The following SCARA3 variants were observed in gnomAD, a reference collection of about 807,000 sequenced individuals.
SCARA3 encodes the protein cellular stress response gene protein.
SCARA3 carries 39 observed loss-of-function variants against 47.0 expected under a neutral mutation model. The observed-to-expected ratio is 0.83, with a 90% CI of 0.64 to 1.08. The LOEUF is 1.08. Ranked by LOEUF, SCARA3 falls within the 50% of genes least tolerant of loss-of-function variation. SCARA3 has a pLI of 0.00. For missense variants in SCARA3, 724 were observed against 792.3 expected (o/e 0.91, Z 1.04); for synonymous variants, 356 against 334.1 (o/e 1.07, Z -0.71).
At chr8:27,636,725 G>A (rs541021587) in intron 1 of SCARA3, among the ~76,000 whole-genome samples, 1 of 152,288 alleles carries the variant, frequency 6.6e-6, no homozygotes, top group Admixed American at 6.5e-5. Context: ...TCCAGCCTCC[G>A]GAAACCCCTC....
At chr8:27,691,915 C>T in the SCARA3 span, among the ~76,000 whole-genome samples, 1 of 152,156 alleles carries the variant, frequency 6.6e-6, no homozygotes, top group Admixed American at 6.5e-5. Context: ...CATGAGTCTA[C>T]TTCCCTATGT....
the SCARA3 span, among the ~76,000 whole-genome samples, chr8:27,727,271 G>A: frequency 1.3e-4 from 20 of 152,106 alleles, no homozygotes; most frequent in African/African-American, 3.4e-4. Flanking sequence ...GGCACCTTCC[G>A]CCCACATTTT....
At chr8:27,717,452 C>T in the SCARA3 span, among the ~76,000 whole-genome samples, 4,438 of 152,192 alleles carry the variant, frequency 0.029, 233 homozygotes, top group African/African-American at 0.1. Flanking sequence ...TACGTCTTTC[C>T]ATGTAATTTT....
At chr8:27,660,618 T>TGATATA (rs1801880966) in intron 5 of SCARA3, among the ~76,000 whole-genome samples, 1 of 130,882 alleles carries the variant, frequency 7.6e-6, no homozygotes, top group African/African-American at 2.8e-5. Context: ...TAGAGATAGA[T>TGATATA]GATAGATAGA....
rs146516200 is a variant in SCARA3 at position 27,672,864 on chromosome 8, C to A, written c.*1513C>A. The A allele has an allele frequency of 3.7e-4, 365 of 985,670 alleles. 1 individual carries two copies. The African/African-American group carries it at 5.7e-3, about 15-fold the overall frequency. The allele number at this position is 985,670 out of a possible 1,614,324, so 61.1% of individuals were successfully genotyped here. On this transcript the variant is annotated 3_prime_UTR_variant, in exon 6 of 6. Coordinates refer to ENST00000301904, the MANE Select transcript of SCARA3 (RefSeq NM_016240.3). ...TCCCAACACGGACCCAGAGAGCAGC[C>A]CTTCCCTGCTCAAAGCCTTTCCGCA... is the stretch of plus-strand genomic sequence containing the variant.
chr8:27,660,072 C>G (rs1801861435), intron 5 of SCARA3, among the ~76,000 whole-genome samples: 1 of 151,842 alleles, frequency 6.6e-6, no homozygotes, highest in African/African-American at 2.4e-5. Flanking sequence ...CCCTTCCCAC[C>G]CCCTCATTAA....
intron 5 of SCARA3, among the ~76,000 whole-genome samples, chr8:27,669,604 C>A (rs535405909): frequency 3.9e-5 from 6 of 152,376 alleles, no homozygotes; most frequent in Middle Eastern, 3.4e-3. Context: ...ACAATGGAAT[C>A]TCAGCCTTGC....
chr8:27,662,789 T>G (rs1331822296), intron 5 of SCARA3, among the ~76,000 whole-genome samples: 1 of 152,190 alleles, frequency 6.6e-6, no homozygotes, highest in East Asian at 1.9e-4. Context: ...TCCATGTTGT[T>G]AAGCCCATGG....
At chr8:27,664,990 G>T (rs1012307309) in intron 5 of SCARA3, among the ~76,000 whole-genome samples, 2 of 152,170 alleles carry the variant, frequency 1.3e-5, no homozygotes, top group African/African-American at 4.8e-5. Flanking sequence ...CCTTTCTCTG[G>T]GGACCTGGTC....
At chr8:27,712,092 CT>C in the SCARA3 span, among the ~76,000 whole-genome samples, 12 of 152,200 alleles carry the variant, frequency 7.9e-5, no homozygotes, top group African/African-American at 2.9e-4. Context: ...TTCTCTTTCA[CT>C]TTCCTAAAAA....
rs550768252 is a variant in SCARA3, at chr8:27,646,969, C to G, written c.8-2733C>G. Among the ~76,000 whole-genome samples the G allele has an allele frequency of 2.8e-4, 11 of 39,244 alleles. 3 individuals carry two copies. Among genetic ancestry groups the G allele is most frequent in the Non-Finnish European group, 4.7e-4 (7 of 14,912 alleles). The allele number at this position is 39,244 out of a possible 152,430, so 25.7% of individuals were successfully genotyped here. On this transcript the variant is annotated intron_variant, in intron 1 of 5. Coordinates refer to ENST00000301904, the MANE Select transcript of SCARA3 (RefSeq NM_016240.3). ...GCACTTGCCCGCACCCCTGACCGCC[C>G]CCGCCCCCCCCCCGCACACACACAC...
chr8:27,670,959 G>T lies in SCARA3; in HGVS notation c.1429G>T (p.Val477Phe). The T allele has an allele frequency of 1.9e-6, 3 of 1,598,736 alleles. No individual in the cohort carries two copies. Among genetic ancestry groups the T allele is most frequent in the Non-Finnish European group, 2.6e-6 (3 of 1,175,428 alleles). ...FKGDMGVKGP[V>F]GGRGPKGDPG... Reference sequence around the variant, plus strand: ...AGGAGATATGGGCGTGAAAGGGCCTGTTGGCGGCAGAGGCCCGAAAGGAGA... The same window carrying T: ...AGGAGATATGGGCGTGAAAGGGCCTTTTGGCGGCAGAGGCCCGAAAGGAGA... Residue 477 changes from valine (V) to phenylalanine (F), a missense_variant, in exon 6 of 6, where the codon GTT (valine) becomes TTT (phenylalanine). Val to Phe is a conservative substitution (Grantham distance 50, BLOSUM62 -1). Transcript: ENST00000301904.
At chr8:27,642,643 T>G (rs902768568) in intron 1 of SCARA3, among the ~76,000 whole-genome samples, 1 of 152,046 alleles carries the variant, frequency 6.6e-6, no homozygotes, top group African/African-American at 2.4e-5. Context: ...GGCAACATAG[T>G]GAGATCTTGT....
intron 1 of SCARA3, among the ~76,000 whole-genome samples, chr8:27,640,369 A>C (rs1042335023): frequency 7.9e-5 from 12 of 152,086 alleles, no homozygotes; most frequent in Non-Finnish European, 1.5e-4. Context: ...AGATTACACT[A>C]TCCATGTTAT....
At position 27,634,277 on chromosome 8, in the gene SCARA3, G is replaced by T; in HGVS notation, c.7+70G>T. The T allele has an allele frequency of 3.1e-6, 4 of 1,271,536 alleles. 1 individual carries two copies. The South Asian group carries it at 1.2e-4, about 38-fold the overall frequency. 78.8% of individuals were successfully genotyped at this position (1,271,536 alleles called of 1,614,324 possible). A position where few individuals can be genotyped will look rare whatever the true frequency, so the allele number is the denominator to read the frequency against. On this transcript the variant is annotated intron_variant, in intron 1 of 5. Coordinates refer to ENST00000301904, the MANE Select transcript of SCARA3 (RefSeq NM_016240.3). ...ACCCCCGCTCCACCCAGGGCCTGGG[G>T]GGCGCCTTTTCTGCAGGCGAGGCTG...
chr8:27,719,794 A>G, the SCARA3 span, among the ~76,000 whole-genome samples: 10 of 152,174 alleles, frequency 6.6e-5, no homozygotes, highest in Non-Finnish European at 1.3e-4. Flanking sequence ...CTCCCTTCCC[A>G]ACTGTCTTTA....
At chr8:27,731,975 G>A in the SCARA3 span, among the ~76,000 whole-genome samples, 1 of 152,198 alleles carries the variant, frequency 6.6e-6, no homozygotes, top group Non-Finnish European at 1.5e-5. Flanking sequence ...GGGTCAAAAA[G>A]CTTCAAGTCT....
At chr8:27,643,853 G>A (rs35910230) in intron 1 of SCARA3, among the ~76,000 whole-genome samples, 36 of 152,280 alleles carry the variant, frequency 2.4e-4, no homozygotes, top group Middle Eastern at 3.4e-3. Context: ...CCAGAAAGGC[G>A]AAAGAGGGAA....
chr8:27,687,867 T>G, the SCARA3 span, among the ~76,000 whole-genome samples: 1 of 152,026 alleles, frequency 6.6e-6, no homozygotes, highest in Non-Finnish European at 1.5e-5. Context: ...AATACAAAAA[T>G]TAGCTGGGTG....
Sources: allele counts gnomAD v4.1 joint callset (sites outside exome capture counted in the v4.1 genomes callset), GRCh38; gene constraint gnomAD v4.1.1; transcripts MANE v1.5; gene names NCBI Gene and HGNC (gene_info 2026-07-23, HGNC 2026-07-21).